ASB3: variants seen among roughly 807,000 people sequenced by gnomAD.
ASB3 encodes the protein ankyrin repeat and SOCS box containing 3.
A neutral mutation model predicts 54.5 loss-of-function variants in ASB3; 41 were observed. The observed-to-expected ratio is 0.75, with a 90% CI of 0.59 to 0.98. ASB3 has a LOEUF of 0.98. ASB3 is among the 50% of genes least tolerant of loss of function. ASB3 has a pLI of 0.00. For synonymous variants in ASB3, 266 were observed against 221.2 expected (o/e 1.20, Z -1.80); for missense variants, 733 against 620.0 (o/e 1.18, Z -1.94).
chr2:53,689,278 T>C (rs1248394989), intron 9 of ASB3, among the ~76,000 whole-genome samples: 1 of 152,208 alleles, frequency 6.6e-6, no homozygotes, highest in Non-Finnish European at 1.5e-5. Flanking sequence ...CACCAGAGCA[T>C]TACCATAAGG....
chr2:53,693,185 A>C (rs1261761982), intron 9 of ASB3, among the ~76,000 whole-genome samples: 1 of 152,202 alleles, frequency 6.6e-6, no homozygotes, highest in Non-Finnish European at 1.5e-5. Flanking sequence ...AATATAGTCA[A>C]AGCAAAATAA....
chr2:53,701,657 G>A (rs1393290040), intron 7 of ASB3, among the ~76,000 whole-genome samples: 1 of 152,174 alleles, frequency 6.6e-6, no homozygotes, highest in Non-Finnish European at 1.5e-5. Context: ...AGTATACAGT[G>A]AGCCTGAGAA....
chr2:53,758,646 G>C (rs1220798949), intron 2 of ASB3, among the ~76,000 whole-genome samples: 4 of 152,178 alleles, frequency 2.6e-5, no homozygotes, highest in African/African-American at 4.8e-5. Context: ...AGAAAGGTGG[G>C]AAAAGGGGTG....
intron 5 of ASB3, among the ~76,000 whole-genome samples, chr2:53,721,360 G>C (rs1670699303): frequency 7.3e-6 from 1 of 136,920 alleles, no homozygotes; most frequent in South Asian, 2.3e-4. Flanking sequence ...TTCGAGACCA[G>C]CCTGGAAATG....
At chr2:53,714,022 G>A (rs1670252392) in intron 7 of ASB3, among the ~76,000 whole-genome samples, 1 of 152,086 alleles carries the variant, frequency 6.6e-6, no homozygotes, top group Non-Finnish European at 1.5e-5. Context: ...ATTTGAAACG[G>A]TAAATGACCT....
chr2:53,713,369 C>A (rs960439649), intron 7 of ASB3, among the ~76,000 whole-genome samples: 8 of 152,174 alleles, frequency 5.3e-5, no homozygotes, highest in Non-Finnish European at 8.8e-5. Context: ...TGTCATTAAA[C>A]ACAATAGCAT....
intron 5 of ASB3, among the ~76,000 whole-genome samples, chr2:53,726,918 T>G (rs1339039872): frequency 6.6e-6 from 1 of 152,010 alleles, no homozygotes; most frequent in Non-Finnish European, 1.5e-5. Context: ...GGTCTCAAGC[T>G]CCTGACCTCA....
intron 8 of ASB3, among the ~76,000 whole-genome samples, chr2:53,697,803 A>T (rs1409229926): frequency 6.6e-6 from 1 of 152,172 alleles, no homozygotes; most frequent in Non-Finnish European, 1.5e-5. Flanking sequence ...ATAAACTGGG[A>T]TGGAGGCTGA....
At chr2:53,693,149 C>A (rs1383011157) in intron 9 of ASB3, among the ~76,000 whole-genome samples, 1 of 152,120 alleles carries the variant, frequency 6.6e-6, no homozygotes, top group Non-Finnish European at 1.5e-5. Context: ...ATTTTCCTAA[C>A]TTAAGACATA....
intron 7 of ASB3, among the ~76,000 whole-genome samples, chr2:53,704,752 C>A (rs1172603918): frequency 6.6e-6 from 1 of 152,054 alleles, no homozygotes; most frequent in Admixed American, 6.6e-5. Flanking sequence ...ATTTAGTTTT[C>A]TTGGAAATAA....
At chr2:53,784,999 T>A (rs919802317) in intron 1 of ASB3, among the ~76,000 whole-genome samples, 2 of 152,184 alleles carry the variant, frequency 1.3e-5, no homozygotes, top group Admixed American at 1.3e-4. Context: ...TTCTCAAACT[T>A]CTTCTACCAC....
At chr2:53,753,155 A>AG (rs1244514878) in intron 2 of ASB3, among the ~76,000 whole-genome samples, 6 of 152,214 alleles carry the variant, frequency 3.9e-5, no homozygotes, top group Non-Finnish European at 8.8e-5. Context: ...AACCACACTG[A>AG]GAGATAGAGA....
At chr2:53,686,543 T>C (rs752609617) in intron 9 of ASB3, among the ~76,000 whole-genome samples, 1 of 152,170 alleles carries the variant, frequency 6.6e-6, no homozygotes, top group African/African-American at 2.4e-5. Flanking sequence ...AGCTTTTTCA[T>C]AATACTTATT....
At position 53,714,577 on chromosome 2, in the gene ASB3, A is replaced by G; in HGVS notation, c.787T>C (p.Leu263=). Residue 263 remains leucine (L), a synonymous_variant, in exon 7 of 10, where the codon TTG becomes CTG. Coordinates refer to ENST00000263634, the MANE Select transcript of ASB3 (RefSeq NM_016115.5). ...AAAQMGHTKI[L]DLLIPLTNRA... Reference sequence around the variant, plus strand: ...TTAGTAAGTGGTATTAACAAGTCCAAGATTCTATAAATACACAAATTCAGG... The same window carrying G: ...TTAGTAAGTGGTATTAACAAGTCCAGGATTCTATAAATACACAAATTCAGG... 2.5e-6 allele frequency: 4 copies of G among 1,613,742 alleles called. No homozygotes were observed. Among genetic ancestry groups the G allele is most frequent in the African/African-American group, 1.3e-5 (1 of 75,066 alleles).
intron 7 of ASB3, among the ~76,000 whole-genome samples, chr2:53,712,122 T>C (rs1336819057): frequency 2.0e-5 from 3 of 151,444 alleles, no homozygotes; most frequent in Admixed American, 1.3e-4. Flanking sequence ...ATATCACTAT[T>C]CAAGAATGAG....
intron 2 of ASB3, among the ~76,000 whole-genome samples, chr2:53,758,838 T>A (rs947500029): frequency 3.3e-5 from 5 of 152,112 alleles, no homozygotes; most frequent in Non-Finnish European, 5.9e-5. Context: ...ATGGGACATG[T>A]TCCCCACAAG....
chr2:53,741,715 T>C (rs1449821214), intron 3 of ASB3, among the ~76,000 whole-genome samples: 1 of 152,214 alleles, frequency 6.6e-6, no homozygotes, highest in African/African-American at 2.4e-5. Context: ...AAAATGAATA[T>C]GGACTTCCAA....
Position 53,769,530 on chromosome 2 carries a change from AAC to A in ASB3, c.-13-3947_-13-3946del, listed in dbSNP as rs200368207. On this transcript the variant is annotated intron_variant, in intron 1 of 9. Coordinates refer to ENST00000263634, the MANE Select transcript of ASB3 (RefSeq NM_016115.5). ...TGATTAGAAATTGCCTAGTCAACAC[AAC>A]AGTCCGTGATTCTTTAAAAGGAGAA... is the stretch of plus-strand genomic sequence containing the variant. Among the ~76,000 whole-genome samples, 1,099 of 152,338 alleles carry A rather than the reference AAC, an allele frequency of 7.2e-3. 12 individuals carry two copies. The highest frequency in any genetic ancestry group is 0.025 in the African/African-American group (1,019 of 41,578).
chr2:53,672,449 T>C (rs540861612), intron 9 of ASB3, among the ~76,000 whole-genome samples: 6 of 152,266 alleles, frequency 3.9e-5, no homozygotes, highest in East Asian at 1.9e-4. Context: ...GGAATACATA[T>C]GGAAAGCAGG....
Sources: allele counts gnomAD v4.1 joint callset (sites outside exome capture counted in the v4.1 genomes callset), GRCh38; gene constraint gnomAD v4.1.1; transcripts MANE v1.5; gene names NCBI Gene and HGNC (gene_info 2026-07-23, HGNC 2026-07-21).